CAMKMT: variants seen among roughly 807,000 people sequenced by gnomAD.
CAMKMT encodes the protein CaM KMT.
CAMKMT carries 53 observed loss-of-function variants against 48.0 expected under a neutral mutation model. The ratio of observed to expected loss-of-function variants is 1.10; its 90% CI spans 0.89 to 1.39. The LOEUF (loss-of-function observed/expected upper bound fraction) is 1.39, where lower values mean the gene tolerates loss of function less well. Ranked by LOEUF, CAMKMT falls within the 40% of genes most tolerant of loss-of-function variation. The pLI is 0.00. For missense variants in CAMKMT, 428 were observed against 402.7 expected (o/e 1.06, Z -0.54); for synonymous variants, 165 against 152.3 (o/e 1.08, Z -0.61).
At chr2:44,749,738 C>G (rs1440938788) in intron 8 of CAMKMT, among the ~76,000 whole-genome samples, 1 of 152,200 alleles carries the variant, frequency 6.6e-6, no homozygotes, top group Non-Finnish European at 1.5e-5. Context: ...CTTTAAAACC[C>G]TGAACCAAGT....
At chr2:44,732,710 A>T (rs901024186) in intron 7 of CAMKMT, among the ~76,000 whole-genome samples, 12 of 152,188 alleles carry the variant, frequency 7.9e-5, no homozygotes, top group Non-Finnish European at 1.6e-4. Flanking sequence ...CCATTCACGT[A>T]TCTTCTCTGG....
chr2:44,470,776 T>C (rs1467938677), intron 3 of CAMKMT, among the ~76,000 whole-genome samples: 4 of 152,204 alleles, frequency 2.6e-5, no homozygotes, highest in African/African-American at 7.2e-5. Context: ...TAATACCTTA[T>C]TGAGTTCTTA....
At chr2:44,621,888 T>C (rs888904137) in intron 3 of CAMKMT, among the ~76,000 whole-genome samples, 1 of 152,226 alleles carries the variant, frequency 6.6e-6, no homozygotes, top group African/African-American at 2.4e-5. Flanking sequence ...TGCATTATTC[T>C]AAGTTAGAGA....
At chr2:44,661,682 A>C (rs1674687227) in intron 3 of CAMKMT, among the ~76,000 whole-genome samples, 1 of 152,154 alleles carries the variant, frequency 6.6e-6, no homozygotes, top group African/African-American at 2.4e-5. Flanking sequence ...TTCTCTTTCC[A>C]TGAAAGAACA....
intron 3 of CAMKMT, among the ~76,000 whole-genome samples, chr2:44,424,611 C>T (rs1030072413): frequency 5.9e-5 from 9 of 152,206 alleles, no homozygotes; most frequent in Admixed American, 5.2e-4. Context: ...GAATTAATGG[C>T]ATTCACAGCA....
chr2:44,613,689 A>G (rs1019509951), intron 3 of CAMKMT, among the ~76,000 whole-genome samples: 7 of 152,172 alleles, frequency 4.6e-5, no homozygotes, highest in Admixed American at 2.0e-4. Flanking sequence ...CTTCTCATAT[A>G]TCATCTCATT....
chr2:44,435,269 TA>T (rs1666161104), intron 3 of CAMKMT, among the ~76,000 whole-genome samples: 1 of 152,138 alleles, frequency 6.6e-6, no homozygotes, highest in Non-Finnish European at 1.5e-5. Context: ...AATACATCAT[TA>T]ATCTGATTAA....
intron 3 of CAMKMT, among the ~76,000 whole-genome samples, chr2:44,498,734 C>G (rs1020760273): frequency 1.3e-5 from 2 of 152,134 alleles, no homozygotes; most frequent in African/African-American, 4.8e-5. Context: ...ATTTAATTCC[C>G]CTTTTGGCTA....
chr2:44,387,727 A>G (rs531181425), intron 2 of CAMKMT, among the ~76,000 whole-genome samples: 12 of 152,206 alleles, frequency 7.9e-5, no homozygotes, highest in Admixed American at 6.5e-4. Context: ...TGGCTTGGTA[A>G]TGGTGAATTC....
At chr2:44,699,888 C>G (rs1316366682) in intron 3 of CAMKMT, among the ~76,000 whole-genome samples, 2 of 152,200 alleles carry the variant, frequency 1.3e-5, no homozygotes, top group African/African-American at 4.8e-5. Flanking sequence ...TCCTTTGGAT[C>G]TTTGAAGCCA....
Position 44,548,433 on chromosome 2 carries a change from G to T in CAMKMT, c.377-155850G>T, listed in dbSNP as rs111256078. Among the ~76,000 whole-genome samples the T allele has an allele frequency of 2.5e-3, 384 of 152,246 alleles. 1 individual carries two copies. Among genetic ancestry groups the T allele is most frequent in the African/African-American group, 9.1e-3 (379 of 41,556 alleles). ...GAAACCACAAGCCCTGATAACAGGT[G>T]TCTCCTGTGGTAGGCAGAATTCTAA... On this transcript the variant is annotated intron_variant, in intron 3 of 10. Transcript: ENST00000378494.
At chr2:44,599,583 T>C (rs934635076) in intron 3 of CAMKMT, among the ~76,000 whole-genome samples, 21 of 152,096 alleles carry the variant, frequency 1.4e-4, no homozygotes, top group African/African-American at 5.1e-4. Context: ...TTTTTTAAAT[T>C]TAAAGATCAA....
intron 3 of CAMKMT, among the ~76,000 whole-genome samples, chr2:44,632,227 T>G (rs1434701981): frequency 6.6e-6 from 1 of 152,204 alleles, no homozygotes; most frequent in Non-Finnish European, 1.5e-5. Context: ...CTTCTTTAAT[T>G]ATTTCTCACT....
chr2:44,674,077 A>C (rs1675523160), intron 3 of CAMKMT, among the ~76,000 whole-genome samples: 1 of 152,240 alleles, frequency 6.6e-6, no homozygotes, highest in African/African-American at 2.4e-5. Context: ...CCCTGTAATG[A>C]AAGTCTGTGT....
chr2:44,771,969 T>G, intron 10 of CAMKMT, 67 bp from the exon 11 acceptor site: 1 of 1,063,308 alleles, frequency 9.4e-7, no homozygotes, highest in Non-Finnish European at 1.4e-6. Flanking sequence ...TACTCAACAT[T>G]AATATTGACT....
At chr2:44,375,546 T>A (rs1679601519) in intron 2 of CAMKMT, among the ~76,000 whole-genome samples, 1 of 152,056 alleles carries the variant, frequency 6.6e-6, no homozygotes, top group Admixed American at 6.5e-5. Context: ...TCACACTTAA[T>A]AGAAGTTTAG....
At chr2:44,620,753 T>A (rs1672139396) in intron 3 of CAMKMT, among the ~76,000 whole-genome samples, 1 of 152,222 alleles carries the variant, frequency 6.6e-6, no homozygotes, top group Admixed American at 6.5e-5. Context: ...AACAAACAGA[T>A]TCTTTCTTCC....
At chr2:44,412,544 C>T (rs1683281884) in intron 3 of CAMKMT, among the ~76,000 whole-genome samples, 2 of 152,098 alleles carry the variant, frequency 1.3e-5, no homozygotes, top group South Asian at 4.2e-4. Context: ...CCATATTGGC[C>T]AGGCTGGTCT....
At chr2:44,366,302 T>G (rs183192457) in intron 1 of CAMKMT, among the ~76,000 whole-genome samples, 151 of 152,356 alleles carry the variant, frequency 9.9e-4, no homozygotes, top group Admixed American at 3.8e-3. Context: ...GACACTGGCG[T>G]CAGATGCATC....
Sources: gnomAD v4.1 joint callset for allele counts (sites outside exome capture counted in the v4.1 genomes callset) on GRCh38, gnomAD v4.1.1 for gene constraint, MANE v1.5 for transcripts, NCBI Gene and HGNC (gene_info 2026-07-23, HGNC 2026-07-21) for gene names.